Variants in FRMD3 observed in about 807,000 individuals in gnomAD.
The protein encoded by FRMD3 is FERM domain containing 3.
A neutral mutation model predicts 70.2 loss-of-function variants in FRMD3; 33 were observed. The ratio of observed to expected loss-of-function variants is 0.47; its 90% CI spans 0.36 to 0.63. The LOEUF (loss-of-function observed/expected upper bound fraction) is 0.63. Ranked by LOEUF, FRMD3 falls within the 20% of genes least tolerant of loss-of-function variation. The pLI is 0.00. For missense variants in FRMD3, 632 were observed against 711.4 expected (o/e 0.89, Z 1.27); for synonymous variants, 279 against 255.9 (o/e 1.09, Z -0.86).
At chr9:83,497,687 A>G (rs1021475230) in intron 1 of FRMD3, among the ~76,000 whole-genome samples, 22 of 152,058 alleles carry the variant, frequency 1.4e-4, no homozygotes, top group Non-Finnish European at 2.8e-4. Context: ...CTGGTGTGCA[A>G]CCTTCCACTC....
At chr9:83,301,691 G>A (rs972362217) in intron 10 of FRMD3, among the ~76,000 whole-genome samples, 1 of 152,214 alleles carries the variant, frequency 6.6e-6, no homozygotes, top group African/African-American at 2.4e-5. Context: ...CCTTAGCTCT[G>A]GCCCTTCCAG....
intron 12 of FRMD3, chr9:83,297,589 A>G (rs1834725905): frequency 2.8e-6 from 1 of 362,878 alleles, no homozygotes; most frequent in Non-Finnish European, 5.5e-6. Flanking sequence ...GCTGCATTGA[A>G]TAAGTACAAT....
intron 1 of FRMD3, among the ~76,000 whole-genome samples, chr9:83,462,733 T>C (rs1828010929): frequency 6.6e-6 from 1 of 152,166 alleles, no homozygotes; most frequent in Non-Finnish European, 1.5e-5. Flanking sequence ...CTTCCAGCAA[T>C]TTCGGCTGCC....
At chr9:83,443,094 A>C (rs1827351411) in intron 1 of FRMD3, among the ~76,000 whole-genome samples, 1 of 152,132 alleles carries the variant, frequency 6.6e-6, no homozygotes, top group African/African-American at 2.4e-5. Flanking sequence ...GGGAATCATA[A>C]ATGATTCTTA....
chr9:83,313,138 C>T (rs1835427598), intron 7 of FRMD3, among the ~76,000 whole-genome samples: 1 of 152,134 alleles, frequency 6.6e-6, no homozygotes, highest in South Asian at 2.1e-4. Context: ...CAGTTGTACC[C>T]CCAGAATTCT....
intron 4 of FRMD3, among the ~76,000 whole-genome samples, chr9:83,345,341 A>C (rs1415530695): frequency 6.6e-6 from 1 of 152,230 alleles, no homozygotes. Context: ...GTAAGGACTC[A>C]GACTAGCTGC....
intron 5 of FRMD3, among the ~76,000 whole-genome samples, chr9:83,342,388 C>A (rs1175095253): frequency 6.6e-6 from 1 of 152,188 alleles, no homozygotes; most frequent in Non-Finnish European, 1.5e-5. Flanking sequence ...GCCTGCGCTA[C>A]CCCTGGCCTG....
intron 3 of FRMD3, among the ~76,000 whole-genome samples, chr9:83,353,785 G>A (rs755884460): frequency 1.3e-5 from 2 of 152,194 alleles, no homozygotes; most frequent in Admixed American, 6.5e-5. Context: ...GGACTCTGGA[G>A]TTGGTTACGA....
chr9:83,458,193 TG>T (rs1483475628), intron 1 of FRMD3, among the ~76,000 whole-genome samples: 1 of 152,180 alleles, frequency 6.6e-6, no homozygotes, highest in Non-Finnish European at 1.5e-5. Context: ...GATTAATAGA[TG>T]ATAAGTGGCT....
chr9:83,402,826 G>T (rs1169231646), intron 1 of FRMD3, among the ~76,000 whole-genome samples: 1 of 149,786 alleles, frequency 6.7e-6, no homozygotes. Context: ...CTCCCCAAAA[G>T]CTCTTTAGCC....
chr9:83,555,078 C>A, the FRMD3 span, among the ~76,000 whole-genome samples: 2 of 152,180 alleles, frequency 1.3e-5, no homozygotes, highest in Non-Finnish European at 2.9e-5. Context: ...GTTAAGAGGT[C>A]CCATCCAGTG....
At chr9:83,440,633 C>T (rs1406909249) in intron 1 of FRMD3, among the ~76,000 whole-genome samples, 1 of 152,200 alleles carries the variant, frequency 6.6e-6, no homozygotes, top group Non-Finnish European at 1.5e-5. Flanking sequence ...AGAAAGGGAA[C>T]ACCTACGCTA....
chr9:83,509,679 CA>C (rs1829291787), intron 1 of FRMD3, among the ~76,000 whole-genome samples: 1 of 152,186 alleles, frequency 6.6e-6, no homozygotes, highest in South Asian at 2.1e-4. Context: ...CTTTCTCCCA[CA>C]ACAAAACAGT....
chr9:83,510,557 C>T (rs1450243260), intron 1 of FRMD3, among the ~76,000 whole-genome samples: 1 of 152,204 alleles, frequency 6.6e-6, no homozygotes, highest in African/African-American at 2.4e-5. Flanking sequence ...CACAAAAACC[C>T]ATACACAAAT....
Position 83,248,467 on chromosome 9 carries a change from G to C in FRMD3, c.1245C>G (p.Ser415Arg). Residue 415 changes from serine (S) to arginine (R), a missense_variant, in exon 14 of 14, where the codon AGC becomes AGG. Physicochemically the swap from Ser to Arg is moderately radical, Grantham distance 110 (BLOSUM62 -1). Transcript: ENST00000304195. ...EENISAPLISSSPVKAAREYE... is the reference protein window; with the variant it reads ...EENISAPLISRSPVKAAREYE... ...ACTCCCGGGCTGCCTTCACTGGGGA[G>C]CTGGAGATCAAGGGAGCAGAAATGT... 1 of 1,613,476 alleles carries C rather than the reference G, an allele frequency of 6.2e-7. No homozygotes were observed. The highest frequency in any genetic ancestry group is 8.5e-7 in the Non-Finnish European group (1 of 1,179,936).
chr9:83,416,753 C>G (rs145870944), intron 1 of FRMD3, among the ~76,000 whole-genome samples: 40 of 101,012 alleles, frequency 4.0e-4, no homozygotes, highest in African/African-American at 1.3e-3. Context: ...CTGTCTCTCT[C>G]TCTCTCTCTC....
the FRMD3 span, among the ~76,000 whole-genome samples, chr9:83,565,428 C>T: frequency 3.3e-5 from 5 of 152,152 alleles, no homozygotes; most frequent in African/African-American, 1.2e-4. Context: ...AGTTGTTTAT[C>T]CAGAGCTGAA....
intron 3 of FRMD3, among the ~76,000 whole-genome samples, chr9:83,372,652 AAGCCCCTGCTCAGATATCAAATATGAG>A (rs1392601446): frequency 1.3e-5 from 2 of 151,984 alleles, no homozygotes; most frequent in African/African-American, 4.8e-5. Context: ...TCCAATTCCA[AAGCCCCTGCTCAGATATCAAATATGAG>A]GGCAAGATGG....
At chr9:83,521,081 G>A (rs1336655752) in intron 1 of FRMD3, among the ~76,000 whole-genome samples, 1 of 150,582 alleles carries the variant, frequency 6.6e-6, no homozygotes, top group Non-Finnish European at 1.5e-5. Flanking sequence ...GGAGGTTGCA[G>A]TGAGCCGAGA....
Sources: gnomAD v4.1 joint callset for allele counts (sites outside exome capture counted in the v4.1 genomes callset) on GRCh38, gnomAD v4.1.1 for gene constraint, MANE v1.5 for transcripts, NCBI Gene and HGNC (gene_info 2026-07-23, HGNC 2026-07-21) for gene names.